The following PAK3 variants were observed in gnomAD, a reference collection of about 807,000 sequenced individuals.
PAK3 encodes p21 (RAC1) activated kinase 3.
In PAK3, 4 loss-of-function variants were observed where a neutral mutation model predicts 41.0. The observed-to-expected ratio is 0.10, with a 90% CI of 0.05 to 0.22. The LOEUF (loss-of-function observed/expected upper bound fraction) is 0.22, where lower values mean the gene tolerates loss of function less well. Among genes scored for constraint, PAK3 ranks in the 10% least tolerant of loss-of-function variants. The pLI is 1.00. For missense variants in PAK3, 205 were observed against 409.9 expected (o/e 0.50, Z 4.32); for synonymous variants, 146 against 139.6 (o/e 1.05, Z -0.32).
At chrX:110,994,607 A>T (rs2091708628) in intron 1 of PAK3, among the ~76,000 whole-genome samples, 1 of 111,665 alleles carries the variant, frequency 9.0e-6, no homozygotes, top group African/African-American at 3.3e-5. Context: ...TCACACCTTT[A>T]TTCCTCCACA....
intron 1 of PAK3, among the ~76,000 whole-genome samples, chrX:111,057,199 A>T (rs2092611542): frequency 1.8e-5 from 2 of 112,009 alleles, no homozygotes; most frequent in African/African-American, 6.5e-5. Flanking sequence ...TGGCCAACAA[A>T]CATCAAAAAA....
chrX:111,091,882 A>G (rs1367541077), upstream of PAK3, among the ~76,000 whole-genome samples: 1 of 111,572 alleles, frequency 9.0e-6, no homozygotes. Context: ...GAGTGGGGAC[A>G]CTTTTTTTTT....
chrX:111,213,192 C>T (rs2094839794), intron 16 of PAK3, among the ~76,000 whole-genome samples: 1 of 111,816 alleles, frequency 8.9e-6, no homozygotes, highest in African/African-American at 3.3e-5. Flanking sequence ...CTATCAGACC[C>T]ACCCCCTAAC....
chrX:111,138,926 C>G (rs775979980), intron 5 of PAK3, among the ~76,000 whole-genome samples: 1 of 110,548 alleles, frequency 9.0e-6, no homozygotes, highest in East Asian at 2.9e-4. Flanking sequence ...AGAGATCACG[C>G]CACTGTACTC....
intron 1 of PAK3, among the ~76,000 whole-genome samples, chrX:111,041,921 T>C (rs892917248): frequency 2.2e-4 from 25 of 112,061 alleles, no homozygotes; most frequent in African/African-American, 7.1e-4. Flanking sequence ...TTACTGCATA[T>C]ATATACTTTT....
At chrX:111,098,211 G>A (rs2093045065) in intron 3 of PAK3, among the ~76,000 whole-genome samples, 1 of 110,482 alleles carries the variant, frequency 9.1e-6, no homozygotes, top group Non-Finnish European at 1.9e-5. Flanking sequence ...GGACATACCA[G>A]GTGAGGGAAA....
At position 111,167,936 on chromosome X, in the gene PAK3, T is replaced by C. The variant is rs763739421; in HGVS notation, c.766+4209T>C. Among the ~76,000 whole-genome samples the C allele has an allele frequency of 4.5e-5, 5 of 111,409 alleles. No individual in the cohort carries two copies. The South Asian group carries it at 1.9e-3, about 43-fold the overall frequency. On this transcript the variant is annotated intron_variant, in intron 10 of 17. Coordinates refer to ENST00000372007, the MANE Select transcript of PAK3 (RefSeq NM_002578.5). ...AAAGCCATTACTGTCAGTAAAGTTG[T>C]GTAATACAGGAAATTTGTCTTCAAC...
intron 10 of PAK3, among the ~76,000 whole-genome samples, chrX:111,166,545 C>T (rs1303652810): frequency 9.0e-6 from 1 of 111,479 alleles, no homozygotes; most frequent in Admixed American, 9.6e-5. Flanking sequence ...AGCAGTCCTC[C>T]TGCCTCAACT....
In PAK3 at chrX:111,038,156, A is replaced by C. The variant is rs193282001; in HGVS notation, c.-27-84921A>C. On this transcript the variant is annotated intron_variant, in intron 1 of 14. Transcript: ENST00000425146. ...AGCATCAGGCATGGAATAAATAAGCACTCATTTAATGGTAGCTACAATTAT... is the reference window on the plus strand; with the variant it reads ...AGCATCAGGCATGGAATAAATAAGCCCTCATTTAATGGTAGCTACAATTAT... Among the ~76,000 whole-genome samples the C allele has an allele frequency of 6.2e-5, 7 of 112,103 alleles. No homozygotes were observed. The East Asian group carries it at 2.0e-3, about 31-fold the overall frequency.
chrX:111,201,189 C>G (rs918010468), intron 16 of PAK3, among the ~76,000 whole-genome samples: 4 of 112,489 alleles, frequency 3.6e-5, no homozygotes, highest in Non-Finnish European at 5.6e-5. Flanking sequence ...ACAGAGCTAG[C>G]TTTATTCTAA....
At chrX:111,053,891 T>C (rs2092582230) in intron 1 of PAK3, among the ~76,000 whole-genome samples, 1 of 112,402 alleles carries the variant, frequency 8.9e-6, no homozygotes, top group Non-Finnish European at 1.9e-5. Flanking sequence ...TAATTGTGCA[T>C]GTAGTAAGAG....
At chrX:110,979,302 T>C (rs1373821803) in intron 1 of PAK3, among the ~76,000 whole-genome samples, 73 of 92,758 alleles carry the variant, frequency 7.9e-4, no homozygotes, top group African/African-American at 2.7e-3. Flanking sequence ...TTTTCTTTTT[T>C]TTTTTTTTTT....
At chrX:111,127,498 G>A (rs1408649449) in intron 5 of PAK3, among the ~76,000 whole-genome samples, 1 of 111,159 alleles carries the variant, frequency 9.0e-6, no homozygotes, top group Non-Finnish European at 1.9e-5. Flanking sequence ...TATTTTGTTA[G>A]TGACTGTTCC....
chrX:111,070,212 G>A (rs942492709), intron 1 of PAK3, among the ~76,000 whole-genome samples: 1 of 109,816 alleles, frequency 9.1e-6, no homozygotes, highest in African/African-American at 3.3e-5. Context: ...CTGTTATGAA[G>A]CCCCTATCTT....
chrX:111,041,585 G>T (rs2092452917), intron 1 of PAK3, among the ~76,000 whole-genome samples: 1 of 111,394 alleles, frequency 9.0e-6, no homozygotes, highest in Non-Finnish European at 1.9e-5. Flanking sequence ...AGCTGTAGCT[G>T]CCTCCCTCAC....
chrX:111,099,888 G>C (rs1478961499), intron 3 of PAK3, among the ~76,000 whole-genome samples: 1 of 107,770 alleles, frequency 9.3e-6, no homozygotes, highest in Non-Finnish European at 1.9e-5. Context: ...AATGAAGACA[G>C]GTCCACTAAA....
chrX:111,210,634 T>G (rs1404666488), intron 16 of PAK3, among the ~76,000 whole-genome samples: 1 of 112,384 alleles, frequency 8.9e-6, no homozygotes, highest in African/African-American at 3.2e-5. Flanking sequence ...TTGGCTATTT[T>G]GTCCAGCAAC....
intron 17 of PAK3, among the ~76,000 whole-genome samples, chrX:111,219,039 A>C (rs368872615): frequency 9.2e-6 from 1 of 108,425 alleles, no homozygotes; most frequent in East Asian, 2.9e-4. Context: ...AAAATACAAA[A>C]ATTAGCCAGG....
chrX:111,167,552 A>G (rs2094274479), intron 10 of PAK3, among the ~76,000 whole-genome samples: 1 of 111,343 alleles, frequency 9.0e-6, no homozygotes, highest in Non-Finnish European at 1.9e-5. Flanking sequence ...TCAGTTTTAC[A>G]CAGACAAATA....
Sources: gnomAD v4.1 joint callset for allele counts (sites outside exome capture counted in the v4.1 genomes callset) on GRCh38, gnomAD v4.1.1 for gene constraint, MANE v1.5 for transcripts, NCBI Gene and HGNC (gene_info 2026-07-23, HGNC 2026-07-21) for gene names.